Variants in ZNF892 observed in about 807,000 individuals in gnomAD.
ZNF892 encodes the protein zinc finger protein 570-like.
At chr2:95,222,615 CTG>C in the ZNF892 span, among the ~76,000 whole-genome samples, 1 of 152,300 alleles carries the variant, frequency 6.6e-6, no homozygotes, top group South Asian at 2.1e-4. Context: ...TATTGTCCAT[CTG>C]TGTATCTTTG....
the ZNF892 span, among the ~76,000 whole-genome samples, chr2:95,238,526 C>T: frequency 6.6e-6 from 1 of 152,346 alleles, no homozygotes; most frequent in African/African-American, 2.4e-5. Context: ...AACATCCACT[C>T]TGAAGCCCAT....
chr2:95,243,902 G>C, the ZNF892 span, among the ~76,000 whole-genome samples: 1 of 152,224 alleles, frequency 6.6e-6, no homozygotes, highest in Non-Finnish European at 1.5e-5. Flanking sequence ...GAATAGAAAG[G>C]GGGGAAGGTG....
At chr2:95,253,370 G>T in the ZNF892 span, among the ~76,000 whole-genome samples, 1 of 152,134 alleles carries the variant, frequency 6.6e-6, no homozygotes, top group African/African-American at 2.4e-5. Context: ...TTTCTGTCAG[G>T]TTTGTCAAAG....
the ZNF892 span, among the ~76,000 whole-genome samples, chr2:95,241,508 T>C: frequency 6.6e-6 from 1 of 151,888 alleles, no homozygotes; most frequent in Non-Finnish European, 1.5e-5. Context: ...ACCTCAAAGA[T>C]CGAAGGTAGC....
chr2:95,236,742 C>A, the ZNF892 span, among the ~76,000 whole-genome samples: 1 of 152,064 alleles, frequency 6.6e-6, no homozygotes. Flanking sequence ...ACAAAACAAA[C>A]AAACAAAAAA....
chr2:95,207,948 A>C, the ZNF892 span: 2 of 397,582 alleles, frequency 5.0e-6, no homozygotes, highest in Non-Finnish European at 8.9e-6. Context: ...GCCCCTTCCT[A>C]CTAGCCGGTC....
chr2:95,260,814 G>C, the ZNF892 span, among the ~76,000 whole-genome samples: 44 of 152,326 alleles, frequency 2.9e-4, no homozygotes, highest in African/African-American at 1.1e-3. Context: ...ATGGGAGGTG[G>C]GATCACCAGC....
the ZNF892 span, among the ~76,000 whole-genome samples, chr2:95,234,942 G>C: frequency 6.6e-6 from 1 of 152,242 alleles, no homozygotes; most frequent in East Asian, 1.9e-4. Flanking sequence ...GTTAGAAGGA[G>C]GGGAGGGCCT....
At chr2:95,225,570 G>A in the ZNF892 span, among the ~76,000 whole-genome samples, 5 of 152,238 alleles carry the variant, frequency 3.3e-5, no homozygotes, top group South Asian at 2.1e-4. Context: ...TCTTAACACC[G>A]GCAATTAAAT....
the ZNF892 span, among the ~76,000 whole-genome samples, chr2:95,211,242 C>G: frequency 6.6e-6 from 1 of 152,194 alleles, no homozygotes. Context: ...GTTTTAAAAA[C>G]TATACCATAA....
At chr2:95,237,534 A>G in the ZNF892 span, among the ~76,000 whole-genome samples, 7 of 152,162 alleles carry the variant, frequency 4.6e-5, no homozygotes, top group African/African-American at 9.7e-5. Flanking sequence ...CTGAGACACA[A>G]CAGTATTGAA....
chr2:95,223,701 A>G, the ZNF892 span, among the ~76,000 whole-genome samples: 1 of 152,208 alleles, frequency 6.6e-6, no homozygotes, highest in South Asian at 2.1e-4. Flanking sequence ...CTGCTCCACC[A>G]CAGACTTATT....
the ZNF892 span, among the ~76,000 whole-genome samples, chr2:95,223,398 G>C: frequency 2.6e-5 from 4 of 151,598 alleles, no homozygotes; most frequent in South Asian, 2.1e-4. Flanking sequence ...GGGTTTTTTT[G>C]GGGGGGAGGA....
At chr2:95,245,454 G>GGGA in the ZNF892 span, among the ~76,000 whole-genome samples, 1 of 94,964 alleles carries the variant, frequency 1.1e-5, no homozygotes, top group African/African-American at 4.2e-5. Context: ...AGACGGCGGG[G>GGGA]GGGGGGGGGT....
At chr2:95,235,824 G>A in the ZNF892 span, among the ~76,000 whole-genome samples, 1 of 152,176 alleles carries the variant, frequency 6.6e-6, no homozygotes, top group Non-Finnish European at 1.5e-5. Flanking sequence ...AAATCAGAAG[G>A]GCGGGAGAAA....
chr2:95,216,120 G>C, the ZNF892 span, among the ~76,000 whole-genome samples: 1 of 152,032 alleles, frequency 6.6e-6, no homozygotes, highest in Non-Finnish European at 1.5e-5. Context: ...AAGAGCTAGG[G>C]GAATGAACCC....
the ZNF892 span, among the ~76,000 whole-genome samples, chr2:95,219,981 C>T: frequency 1.3e-5 from 2 of 152,144 alleles, no homozygotes; most frequent in South Asian, 4.1e-4. Flanking sequence ...AACATCATTA[C>T]TATTGGGAAT....
the ZNF892 span, chr2:95,212,408 A>G: frequency 7.6e-6 from 3 of 396,522 alleles, no homozygotes; most frequent in Admixed American, 8.8e-5. Context: ...CCTATGCCAC[A>G]TCCTAGCTCT....
chr2:95,239,144 G>GAAAA, the ZNF892 span, among the ~76,000 whole-genome samples: 1 of 126,074 alleles, frequency 7.9e-6, no homozygotes, highest in Admixed American at 8.4e-5. Context: ...CGTCTCAAAG[G>GAAAA]AAAAAAAAAA....
Sources: gnomAD v4.1 joint callset for allele counts (sites outside exome capture counted in the v4.1 genomes callset) on GRCh38, gnomAD v4.1.1 for gene constraint, MANE v1.5 for transcripts, NCBI Gene and HGNC (gene_info 2026-07-23, HGNC 2026-07-21) for gene names.